Variants in RTL4 observed in about 807,000 individuals in gnomAD.
RTL4 encodes the protein retrotransposon Gag-like protein 4.
A neutral mutation model predicts 5.3 loss-of-function variants in RTL4; 4 were observed. That is an observed-to-expected ratio of 0.75 (90% CI 0.37 to 1.72). The LOEUF (loss-of-function observed/expected upper bound fraction) is 1.72. Among genes scored for constraint, RTL4 ranks in the 40% most tolerant of loss-of-function variants. The pLI is 0.04. For missense variants in RTL4, 260 were observed against 227.1 expected, an observed-to-expected ratio of 1.14 and a Z score of -0.93; for synonymous variants, 98 against 87.3, an observed-to-expected ratio of 1.12 and a Z score of -0.68.
At chrX:112,225,339 A>AAATGGCCC in the RTL4 span, among the ~76,000 whole-genome samples, 1 of 112,076 alleles carries the variant, frequency 8.9e-6, no homozygotes, top group Non-Finnish European at 1.9e-5. Context: ...TGGCTGGGTG[A>AAATGGCCC]AATGGCCCTG....
At chrX:112,282,708 C>A in the RTL4 span, among the ~76,000 whole-genome samples, 1 of 111,416 alleles carries the variant, frequency 9.0e-6, no homozygotes, top group African/African-American at 3.3e-5. Flanking sequence ...GGTCTTTTAT[C>A]TCCTTGGATA....
chrX:112,406,562 CT>C, the RTL4 span, among the ~76,000 whole-genome samples: 1 of 111,428 alleles, frequency 9.0e-6, no homozygotes, highest in South Asian at 3.8e-4. Context: ...CATGCCCCCC[CT>C]CCAACACTGG....
chrX:112,436,669 AT>A, the RTL4 span, among the ~76,000 whole-genome samples: 244 of 104,512 alleles, frequency 2.3e-3, 2 homozygotes, highest in Admixed American at 7.3e-3. Context: ...AGAGAAGGAC[AT>A]TTTTTTTTTT....
chrX:112,192,702 C>T, the RTL4 span, among the ~76,000 whole-genome samples: 501 of 111,267 alleles, frequency 4.5e-3, 1 homozygote, highest in African/African-American at 0.016. Flanking sequence ...CAAATGACAT[C>T]TTTATATATT....
At chrX:112,126,187 G>T in the RTL4 span, among the ~76,000 whole-genome samples, 1 of 111,611 alleles carries the variant, frequency 9.0e-6, no homozygotes, top group Admixed American at 9.5e-5. Context: ...AACACAAGCT[G>T]GTCCTCACAC....
chrX:112,170,594 G>A, the RTL4 span, among the ~76,000 whole-genome samples: 37 of 111,991 alleles, frequency 3.3e-4, no homozygotes, highest in African/African-American at 1.2e-3. Context: ...TTTGCACATT[G>A]ATTTTGTATC....
At chrX:112,257,997 G>GA in the RTL4 span, among the ~76,000 whole-genome samples, 1 of 107,765 alleles carries the variant, frequency 9.3e-6, no homozygotes, top group African/African-American at 3.4e-5. Flanking sequence ...TTCTTTGAAA[G>GA]GTTGTTTTTG....
chrX:112,328,625 C>A, the RTL4 span, among the ~76,000 whole-genome samples: 1 of 111,491 alleles, frequency 9.0e-6, no homozygotes, highest in Non-Finnish European at 1.9e-5. Context: ...CAAGGATACC[C>A]AGGAATTGAA....
chrX:112,356,579 G>GGT, the RTL4 span, among the ~76,000 whole-genome samples: 7,679 of 99,332 alleles, frequency 0.077, 480 homozygotes, highest in African/African-American at 0.2. Context: ...TTTGTTTTGG[G>GGT]GTGTGTGTGT....
chrX:112,175,627 G>A, the RTL4 span, among the ~76,000 whole-genome samples: 1 of 110,633 alleles, frequency 9.0e-6, no homozygotes, highest in Non-Finnish European at 1.9e-5. Flanking sequence ...AAAGTCATTG[G>A]TAGCTTGATT....
chrX:112,234,066 C>G, the RTL4 span, among the ~76,000 whole-genome samples: 1 of 109,935 alleles, frequency 9.1e-6, no homozygotes, highest in Non-Finnish European at 1.9e-5. Context: ...GTGGCGGGTG[C>G]CTGTAGTCCC....
At chrX:112,363,524 G>A in the RTL4 span, among the ~76,000 whole-genome samples, 1 of 109,465 alleles carries the variant, frequency 9.1e-6, no homozygotes, top group African/African-American at 3.3e-5. Context: ...TCATACTTAT[G>A]AGTATGAGAA....
the RTL4 span, among the ~76,000 whole-genome samples, chrX:112,327,741 A>C: frequency 9.0e-6 from 1 of 111,240 alleles, no homozygotes; most frequent in Non-Finnish European, 1.9e-5. Flanking sequence ...AAAAAATGTT[A>C]AGGGCAGCCA....
At chrX:112,428,134 G>A in the RTL4 span, among the ~76,000 whole-genome samples, 5 of 111,293 alleles carry the variant, frequency 4.5e-5, no homozygotes, top group Non-Finnish European at 9.5e-5. Context: ...AGTATTCCAT[G>A]GTGTATATAT....
chrX:112,269,464 A>G, the RTL4 span, among the ~76,000 whole-genome samples: 1 of 111,250 alleles, frequency 9.0e-6, no homozygotes, highest in South Asian at 3.8e-4. Context: ...GTATCAGGGT[A>G]AAAAAAAGAG....
chrX:112,263,697 T>C, the RTL4 span, among the ~76,000 whole-genome samples: 7 of 111,767 alleles, frequency 6.3e-5, no homozygotes, highest in African/African-American at 6.5e-5. Flanking sequence ...AGAGTAGCTA[T>C]AGTTAATAAT....
chrX:112,218,085 C>CA, the RTL4 span, among the ~76,000 whole-genome samples: 1 of 111,293 alleles, frequency 9.0e-6, no homozygotes, highest in African/African-American at 3.3e-5. Flanking sequence ...GCAAGGGAAA[C>CA]AAAAACGGAA....
the RTL4 span, among the ~76,000 whole-genome samples, chrX:112,176,450 G>T: frequency 1.8e-5 from 2 of 111,765 alleles, no homozygotes; most frequent in Admixed American, 9.5e-5. Context: ...AATTTCAGGA[G>T]CTGGGCCTGG....
At chrX:112,135,715 A>AT in the RTL4 span, among the ~76,000 whole-genome samples, 1 of 110,205 alleles carries the variant, frequency 9.1e-6, no homozygotes, top group South Asian at 3.8e-4. Flanking sequence ...GATTAAAGTC[A>AT]TTTTTTTGCA....
Sources: allele counts gnomAD v4.1 joint callset (sites outside exome capture counted in the v4.1 genomes callset), GRCh38; gene constraint gnomAD v4.1.1; transcripts MANE v1.5; gene names NCBI Gene and HGNC (gene_info 2026-07-23, HGNC 2026-07-21).